ASIC2: variants seen among roughly 807,000 people sequenced by gnomAD.
ASIC2 encodes the protein acid-sensing ion channel 2.
In ASIC2, 25 loss-of-function variants were observed where a neutral mutation model predicts 57.3. The observed-to-expected ratio is 0.44, with a 90% CI of 0.32 to 0.61. The LOEUF is 0.61. Ranked by LOEUF, ASIC2 falls within the 20% of genes least tolerant of loss-of-function variation. ASIC2 has a pLI of 0.06. For missense variants in ASIC2, 641 were observed against 738.1 expected, an observed-to-expected ratio of 0.87 and a Z score of 1.52; for synonymous variants, 319 against 307.5, an observed-to-expected ratio of 1.04 and a Z score of -0.39.
At chr17:33,183,184 TA>T (rs1906055423) in intron 1 of ASIC2, among the ~76,000 whole-genome samples, 1 of 152,228 alleles carries the variant, frequency 6.6e-6, no homozygotes, top group South Asian at 2.1e-4. Context: ...AAGTAAGTTC[TA>T]AAAGTATTGG....
intron 1 of ASIC2, among the ~76,000 whole-genome samples, chr17:33,535,613 C>T (rs948485278): frequency 3.3e-5 from 5 of 152,138 alleles, no homozygotes; most frequent in Non-Finnish European, 7.3e-5. Context: ...GGTTATGAAG[C>T]TGATGTGCCT....
In ASIC2 at chr17:34,039,922, C is replaced by T. The variant is rs373196830; in HGVS notation, c.555+116056G>A. On this transcript the variant is annotated intron_variant, in intron 1 of 9. Transcript: ENST00000359872. Reference sequence around the variant, plus strand: ...CGCTCCACGCTCCTCCCTGGAGGGACCCCGACCCGACCCGGCTGCGGACCG... The same window carrying T: ...CGCTCCACGCTCCTCCCTGGAGGGATCCCGACCCGACCCGGCTGCGGACCG... The T allele has an allele frequency of 1.8e-3, 2,724 of 1,503,276 alleles. 49 individuals carry two copies. The African/African-American group carries it at 0.032, about 18-fold the overall frequency. 93.1% of individuals were successfully genotyped at this position (1,503,276 alleles called of 1,614,324 possible). A position where few individuals can be genotyped will look rare whatever the true frequency, so the allele number is the denominator to read the frequency against.
At chr17:33,170,217 C>G (rs749984844) in intron 1 of ASIC2, among the ~76,000 whole-genome samples, 1 of 152,176 alleles carries the variant, frequency 6.6e-6, no homozygotes, top group African/African-American at 2.4e-5. Context: ...GCAAGTTAAA[C>G]ATGTTGCAGG....
chr17:33,124,540 C>T (rs2092316016), intron 1 of ASIC2, among the ~76,000 whole-genome samples: 1 of 152,158 alleles, frequency 6.6e-6, no homozygotes, highest in Non-Finnish European at 1.5e-5. Flanking sequence ...CATTTTTGCA[C>T]CAGAAGCATA....
chr17:33,597,574 CAGAA>C (rs1905019793), intron 1 of ASIC2, among the ~76,000 whole-genome samples: 1 of 151,942 alleles, frequency 6.6e-6, no homozygotes, highest in South Asian at 2.1e-4. Flanking sequence ...GTTTACAAAA[CAGAA>C]AGTTCTATAT....
In ASIC2 at chr17:33,464,670, CCT is replaced by C. The variant is rs757881490; in HGVS notation, c.556-352605_556-352604del. The stretch of plus-strand genomic sequence containing the variant: ...TTCCTTTCTTCCTTCTCTCTCTCTC[CCT>C]CTCTCTCTCTCTCTCTATATATATA... On this transcript the variant is annotated intron_variant, in intron 1 of 9. Transcript: ENST00000359872. Among the ~76,000 whole-genome samples the C allele has an allele frequency of 4.0e-4, 49 of 122,778 alleles. 2 individuals carry two copies. Among genetic ancestry groups the C allele is most frequent in the African/African-American group, 1.4e-3 (45 of 31,730 alleles). The allele number at this position is 122,778 out of a possible 152,430, so 80.5% of individuals were successfully genotyped here.
chr17:33,090,221 T>G (rs2092152082), intron 2 of ASIC2, among the ~76,000 whole-genome samples: 1 of 152,216 alleles, frequency 6.6e-6, no homozygotes, highest in Non-Finnish European at 1.5e-5. Context: ...TCACTGAAGA[T>G]TCAGCTCTCC....
Position 33,332,896 on chromosome 17 carries a change from A to G in ASIC2, c.556-220829T>C, listed in dbSNP as rs558214031. Among the ~76,000 whole-genome samples, 5 of 151,870 alleles carry G rather than the reference A, an allele frequency of 3.3e-5. No individual in the cohort carries two copies. The South Asian group carries it at 1.0e-3, about 32-fold the overall frequency. On this transcript the variant is annotated intron_variant, in intron 1 of 9. Transcript: ENST00000359872. ...ACAGTGTGAAACTCCATCTCAAAAC[A>G]AAACAAATAATAAAAAAACAAAGTC...
intron 1 of ASIC2, among the ~76,000 whole-genome samples, chr17:33,960,137 A>G (rs1360572225): frequency 6.6e-6 from 1 of 152,176 alleles, no homozygotes; most frequent in African/African-American, 2.4e-5. Context: ...CAAGGCTCTT[A>G]ATGTAATTAT....
intron 1 of ASIC2, among the ~76,000 whole-genome samples, chr17:33,506,406 C>G (rs1271258074): frequency 6.7e-6 from 1 of 148,678 alleles, no homozygotes; most frequent in African/African-American, 2.5e-5. Context: ...AAGCAGGACT[C>G]CGTCTCAAAA....
chr17:34,087,058 C>A (rs947493720), intron 1 of ASIC2, among the ~76,000 whole-genome samples: 37 of 151,608 alleles, frequency 2.4e-4, no homozygotes, highest in African/African-American at 8.0e-4. Flanking sequence ...TAATATCGTT[C>A]TGTGTGAATT....
At chr17:33,758,867 T>G (rs1910691938) in intron 1 of ASIC2, among the ~76,000 whole-genome samples, 2 of 151,044 alleles carry the variant, frequency 1.3e-5, no homozygotes, top group South Asian at 4.2e-4. Flanking sequence ...TCTTTATAAA[T>G]TACCCAGTTT....
At chr17:34,053,871 CCT>C (rs1350716547) in intron 1 of ASIC2, among the ~76,000 whole-genome samples, 1 of 152,202 alleles carries the variant, frequency 6.6e-6, no homozygotes, top group Non-Finnish European at 1.5e-5. Flanking sequence ...TTGGTGTGCT[CCT>C]CTGTCTATGA....
chr17:33,937,699 C>G (rs1916097715), intron 1 of ASIC2, among the ~76,000 whole-genome samples: 2 of 152,184 alleles, frequency 1.3e-5, no homozygotes, highest in African/African-American at 2.4e-5. Context: ...CTAGCCAGCC[C>G]TATCCACATT....
chr17:34,010,061 T>C (rs1906659057), intron 1 of ASIC2, among the ~76,000 whole-genome samples: 2 of 152,196 alleles, frequency 1.3e-5, no homozygotes, highest in African/African-American at 2.4e-5. Context: ...CAGAGGGTTG[T>C]CACACATGAG....
rs150450588 is a variant in ASIC2, at chr17:33,025,824, A to G, written c.1195+102T>C. The G allele has an allele frequency of 3.2e-4, 383 of 1,191,566 alleles. 1 individual carries two copies. In the African/African-American group the frequency reaches 5.7e-3, roughly 18 times the overall value. The allele number at this position is 1,191,566 out of a possible 1,614,324, so 73.8% of individuals were successfully genotyped here. On this transcript the variant is annotated intron_variant, in intron 5 of 9. Coordinates refer to ENST00000225823, the MANE Select transcript of ASIC2 (RefSeq NM_183377.2). ...GCCCCTTTCTTCTCATCCTCTCTCCATTCCTTCTTCCACTTGATCTTTCCC... is the reference window on the plus strand; with the variant it reads ...GCCCCTTTCTTCTCATCCTCTCTCCGTTCCTTCTTCCACTTGATCTTTCCC...
At position 33,432,432 on chromosome 17, in the gene ASIC2, T is replaced by G. The variant is rs185114567; in HGVS notation, c.556-320365A>C. The stretch of plus-strand genomic sequence containing the variant: ...TCGGGAGACTCAGTGGGAGGATCCC[T>G]TTGGGAGGATCGCTTGAGCCCAGGA... On this transcript the variant is annotated intron_variant, in intron 1 of 9. Transcript: ENST00000359872. Among the ~76,000 whole-genome samples, 868 of 152,240 alleles carry G rather than the reference T, an allele frequency of 5.7e-3. 3 individuals carry two copies. Among genetic ancestry groups the G allele is most frequent in the Middle Eastern group, 0.017 (5 of 294 alleles).
rs1051981442 is a variant in ASIC2, at chr17:33,711,496, G to C, written c.555+444482C>G. ...TTTTTGTTTTCCCTGGGTCTGGTCA[G>C]TCTGTGCTTGTATTACTCTGTTCTC... is the stretch of plus-strand genomic sequence containing the variant. On this transcript the variant is annotated intron_variant, in intron 1 of 9. Transcript: ENST00000359872. Among the ~76,000 whole-genome samples the C allele has an allele frequency of 4.6e-5, 7 of 152,272 alleles. No homozygotes were observed. The East Asian group carries it at 1.4e-3, about 29-fold the overall frequency.
chr17:33,957,220 T>G (rs1904764576), intron 1 of ASIC2, among the ~76,000 whole-genome samples: 1 of 152,166 alleles, frequency 6.6e-6, no homozygotes, highest in African/African-American at 2.4e-5. Context: ...TACAACTATC[T>G]TCTTTAATCC....
Sources: gnomAD v4.1 joint callset for allele counts (sites outside exome capture counted in the v4.1 genomes callset) on GRCh38, gnomAD v4.1.1 for gene constraint, MANE v1.5 for transcripts, NCBI Gene and HGNC (gene_info 2026-07-23, HGNC 2026-07-21) for gene names.